LYPD6B: variants seen among roughly 807,000 people sequenced by gnomAD.
LYPD6B encodes the protein LY6/PLAUR domain containing 6B.
In LYPD6B, 17 loss-of-function variants were observed where a neutral mutation model predicts 22.8. The ratio of observed to expected loss-of-function variants is 0.75; its 90% CI spans 0.51 to 1.12. The LOEUF is 1.12. LYPD6B is among the 50% of genes most tolerant of loss of function. The pLI is 0.00. For synonymous variants in LYPD6B, 106 were observed against 91.6 expected (o/e 1.16, Z -0.90); for missense variants, 221 against 258.3 (o/e 0.86, Z 0.99).
At chr2:149,205,196 A>G (rs1693427771) in intron 3 of LYPD6B, 57 bp from the exon 4 acceptor site, 2 of 1,546,850 alleles carry the variant, frequency 1.3e-6, no homozygotes, top group Non-Finnish European at 8.7e-7. Context: ...GAAGCAAAAC[A>G]CAAACCCACT....
Position 149,185,676 on chromosome 2 carries a change from A to G in LYPD6B, c.78-19577A>G, listed in dbSNP as rs184809563. Among the ~76,000 whole-genome samples the G allele has an allele frequency of 1.8e-3, 276 of 152,308 alleles. 2 individuals are homozygous for G. The highest frequency in any genetic ancestry group is 3.5e-3 in the Non-Finnish European group (236 of 68,024). Reference sequence around the variant, plus strand: ...GTTTTATTGCATTTGGCTTTATTGCACTTCACAAAGATTGCATTTTCTGCA... The same window carrying G: ...GTTTTATTGCATTTGGCTTTATTGCGCTTCACAAAGATTGCATTTTCTGCA... On this transcript the variant is annotated intron_variant, in intron 3 of 6. Coordinates refer to ENST00000409642, the MANE Select transcript of LYPD6B (RefSeq NM_177964.5).
At chr2:149,047,382 T>C (rs1167068526) in intron 1 of LYPD6B, among the ~76,000 whole-genome samples, 1 of 150,890 alleles carries the variant, frequency 6.6e-6, no homozygotes, top group East Asian at 1.9e-4. Context: ...GTTGACAATT[T>C]AAAAAAAAAA....
At chr2:149,113,052 C>T (rs566266290) in intron 1 of LYPD6B, among the ~76,000 whole-genome samples, 11 of 152,126 alleles carry the variant, frequency 7.2e-5, no homozygotes, top group East Asian at 3.9e-4. Flanking sequence ...TACCTACCAT[C>T]GGCAAAATCA....
chr2:149,112,121 T>TA (rs1390010035), intron 1 of LYPD6B, among the ~76,000 whole-genome samples: 2 of 152,156 alleles, frequency 1.3e-5, no homozygotes, highest in Non-Finnish European at 2.9e-5. Flanking sequence ...ACAGTGAGCA[T>TA]AAGCAGCTGT....
At chr2:149,089,413 A>G (rs1350825297) in intron 1 of LYPD6B, among the ~76,000 whole-genome samples, 6 of 152,154 alleles carry the variant, frequency 3.9e-5, no homozygotes. Flanking sequence ...GATTGGTAAC[A>G]TACATTCCAT....
At chr2:149,065,157 C>T (rs906464765) in intron 1 of LYPD6B, among the ~76,000 whole-genome samples, 4 of 152,164 alleles carry the variant, frequency 2.6e-5, no homozygotes, top group Non-Finnish European at 2.9e-5. Flanking sequence ...TGTCTCCTTA[C>T]GAGTGATAGA....
intron 1 of LYPD6B, among the ~76,000 whole-genome samples, chr2:149,047,626 A>T (rs1234002701): frequency 6.6e-6 from 1 of 151,726 alleles, no homozygotes; most frequent in Non-Finnish European, 1.5e-5. Flanking sequence ...ATCATACCTG[A>T]TGTTCTTGAG....
At chr2:149,131,907 G>A (rs1688054177) in intron 2 of LYPD6B, among the ~76,000 whole-genome samples, 1 of 152,086 alleles carries the variant, frequency 6.6e-6, no homozygotes, top group East Asian at 1.9e-4. Context: ...TCTTAGAAAA[G>A]TCCACAGAAC....
At chr2:149,109,142 A>G (rs1686637366) in intron 1 of LYPD6B, among the ~76,000 whole-genome samples, 1 of 152,164 alleles carries the variant, frequency 6.6e-6, no homozygotes, top group South Asian at 2.1e-4. Context: ...GGTACTTTTC[A>G]TTCCTTTATG....
At chr2:149,113,012 A>G (rs1342995924) in intron 1 of LYPD6B, among the ~76,000 whole-genome samples, 1 of 152,188 alleles carries the variant, frequency 6.6e-6, no homozygotes, top group African/African-American at 2.4e-5. Flanking sequence ...GATAGAAGGT[A>G]TGGTAGGAGA....
intron 1 of LYPD6B, among the ~76,000 whole-genome samples, chr2:149,058,057 G>T (rs906810377): frequency 6.6e-6 from 1 of 152,208 alleles, no homozygotes; most frequent in African/African-American, 2.4e-5. Context: ...TGGCAGCCAG[G>T]AACCTGAGTT....
chr2:149,141,139 G>T (rs1044653452), intron 2 of LYPD6B, among the ~76,000 whole-genome samples: 1 of 152,284 alleles, frequency 6.6e-6, no homozygotes, highest in East Asian at 1.9e-4. Flanking sequence ...GATTGATAGG[G>T]TAGAATATTC....
At chr2:149,194,585 A>G (rs1692690381) in intron 3 of LYPD6B, among the ~76,000 whole-genome samples, 1 of 152,240 alleles carries the variant, frequency 6.6e-6, no homozygotes. Context: ...AGGAGATGGT[A>G]GCTGCAGAGT....
chr2:149,139,648 G>A (rs537624177), intron 2 of LYPD6B, among the ~76,000 whole-genome samples: 2 of 152,280 alleles, frequency 1.3e-5, no homozygotes, highest in East Asian at 3.9e-4. Flanking sequence ...TATTAGAGGA[G>A]CAGAACTTAC....
chr2:149,131,139 T>C (rs984342888), intron 2 of LYPD6B, 186 bp downstream of exon 2: 17 of 510,890 alleles, frequency 3.3e-5, no homozygotes, highest in African/African-American at 2.6e-4. Flanking sequence ...CTTCCCCTAA[T>C]CATATTGACT....
chr2:149,059,964 T>G (rs988703443), intron 1 of LYPD6B, among the ~76,000 whole-genome samples: 6 of 151,812 alleles, frequency 4.0e-5, no homozygotes, highest in African/African-American at 7.3e-5. Context: ...AGTTGGTGGA[T>G]TTGGTAAACT....
intron 3 of LYPD6B, among the ~76,000 whole-genome samples, chr2:149,191,296 A>C (rs1313435252): frequency 6.6e-6 from 1 of 152,168 alleles, no homozygotes; most frequent in African/African-American, 2.4e-5. Flanking sequence ...TTAATTAAAT[A>C]ATGTAAAATT....
intron 3 of LYPD6B, among the ~76,000 whole-genome samples, chr2:149,168,783 G>A (rs1690612482): frequency 6.6e-6 from 1 of 152,144 alleles, no homozygotes; most frequent in East Asian, 1.9e-4. Context: ...TGATCATAGG[G>A]GCCTAGCTTC....
intron 1 of LYPD6B, among the ~76,000 whole-genome samples, chr2:149,072,521 T>TTTTATTTC (rs1684666069): frequency 4.3e-4 from 62 of 143,636 alleles, no homozygotes; most frequent in East Asian, 2.3e-3. Context: ...TATTTTATTT[T>TTTTATTTC]ATTTTATTTT....
Sources: gnomAD v4.1 joint callset for allele counts (sites outside exome capture counted in the v4.1 genomes callset) on GRCh38, gnomAD v4.1.1 for gene constraint, MANE v1.5 for transcripts, NCBI Gene and HGNC (gene_info 2026-07-23, HGNC 2026-07-21) for gene names.